Variants in DYM observed in about 807,000 individuals in gnomAD.
DYM encodes the protein dymeclin.
Under a neutral mutation model 93.1 loss-of-function variants are expected in DYM, and 78 were observed. The observed-to-expected ratio is 0.84, with a 90% CI of 0.70 to 1.01. The LOEUF is 1.01. Ranked by LOEUF, DYM falls within the 50% of genes least tolerant of loss-of-function variation. The probability of loss-of-function intolerance (pLI) is 0.00; values close to 1 mark genes in which losing one functional copy is unlikely to be tolerated. For synonymous variants in DYM, 321 were observed against 319.7 expected (o/e 1.00, Z -0.04); for missense variants, 789 against 845.0 (o/e 0.93, Z 0.82).
At chr18:49,350,444 A>AG (rs2065010171) in intron 6 of DYM, among the ~76,000 whole-genome samples, 1 of 152,192 alleles carries the variant, frequency 6.6e-6, no homozygotes, top group Non-Finnish European at 1.5e-5. Context: ...GCAGTGGCTT[A>AG]CGTCTGTAAT....
chr18:49,365,627 G>A (rs1031788632), intron 5 of DYM, among the ~76,000 whole-genome samples: 1 of 152,138 alleles, frequency 6.6e-6, no homozygotes, highest in Non-Finnish European at 1.5e-5. Context: ...AGGATGCAAT[G>A]TCCCAGGCCC....
intron 5 of DYM, among the ~76,000 whole-genome samples, chr18:49,375,232 C>A (rs1337844170): frequency 3.2e-5 from 4 of 125,280 alleles, no homozygotes; most frequent in African/African-American, 6.5e-5. Flanking sequence ...ACACACACAT[C>A]TATACCTACC....
At chr18:49,080,471 C>T (rs1299238267) in intron 17 of DYM, among the ~76,000 whole-genome samples, 27 of 136,750 alleles carry the variant, frequency 2.0e-4, no homozygotes, top group Non-Finnish European at 4.2e-4. Flanking sequence ...TGGGCAGAGG[C>T]GCCCCTCACC....
chr18:49,313,940 G>C (rs979254674), intron 8 of DYM, among the ~76,000 whole-genome samples: 1 of 151,970 alleles, frequency 6.6e-6, no homozygotes, highest in Non-Finnish European at 1.5e-5. Flanking sequence ...TTACCTCCAA[G>C]GGCTATTGTA....
intron 1 of DYM, among the ~76,000 whole-genome samples, chr18:49,436,947 G>T (rs75658493): frequency 0.091 from 13,875 of 152,152 alleles, 854 homozygotes; most frequent in East Asian, 0.31. Flanking sequence ...GTACATGAAT[G>T]CTGAATTTTC....
At chr18:49,275,115 T>A (rs548726974) in intron 10 of DYM, among the ~76,000 whole-genome samples, 1 of 152,320 alleles carries the variant, frequency 6.6e-6, no homozygotes, top group South Asian at 2.1e-4. Context: ...TAGCTCTTTT[T>A]AGGTCTTTGA....
intron 2 of DYM, among the ~76,000 whole-genome samples, chr18:49,409,654 A>T (rs1044276259): frequency 6.6e-6 from 1 of 152,194 alleles, no homozygotes; most frequent in African/African-American, 2.4e-5. Flanking sequence ...GTTGGTAGGG[A>T]AAAAAAGCCT....
At chr18:49,260,554 A>G (rs114742172) in intron 11 of DYM, among the ~76,000 whole-genome samples, 1,567 of 152,322 alleles carry the variant, frequency 0.01, 26 homozygotes, top group African/African-American at 0.036. Flanking sequence ...AAAACATTCA[A>G]CATTCCAAGA....
intron 2 of DYM, among the ~76,000 whole-genome samples, chr18:49,408,854 T>C (rs935551036): frequency 1.3e-5 from 2 of 152,248 alleles, no homozygotes; most frequent in African/African-American, 2.4e-5. Flanking sequence ...ATAAATATTG[T>C]ACAGAGTTTA....
intron 8 of DYM, among the ~76,000 whole-genome samples, chr18:49,315,395 C>A (rs990502572): frequency 6.6e-6 from 1 of 152,072 alleles, no homozygotes; most frequent in Non-Finnish European, 1.5e-5. Context: ...TGGCAACATC[C>A]GTAGTAAGAA....
intron 14 of DYM, among the ~76,000 whole-genome samples, chr18:49,186,559 A>G (rs569491156): frequency 5.9e-5 from 9 of 152,328 alleles, no homozygotes; most frequent in African/African-American, 2.2e-4. Context: ...CACTTTAGTC[A>G]GTAAGCCTAC....
intron 17 of DYM, among the ~76,000 whole-genome samples, chr18:49,086,931 T>C (rs929598264): frequency 2.0e-5 from 3 of 151,898 alleles, no homozygotes; most frequent in Admixed American, 6.6e-5. Flanking sequence ...GAGGTTGCAG[T>C]GAGCTGAGAT....
At chr18:49,292,729 A>G (rs1475260295) in intron 8 of DYM, among the ~76,000 whole-genome samples, 8 of 151,760 alleles carry the variant, frequency 5.3e-5, no homozygotes, top group Non-Finnish European at 1.0e-4. Context: ...TCTTAATTGT[A>G]TCCCTTGGGT....
At chr18:49,106,725 A>C (rs967175403) in intron 16 of DYM, among the ~76,000 whole-genome samples, 8 of 152,224 alleles carry the variant, frequency 5.3e-5, no homozygotes, top group Admixed American at 4.6e-4. Context: ...AGAATGTTGA[A>C]TATTGGCCCC....
chr18:49,330,644 A>C (rs1171743935), intron 8 of DYM, among the ~76,000 whole-genome samples: 1 of 152,216 alleles, frequency 6.6e-6, no homozygotes, highest in African/African-American at 2.4e-5. Flanking sequence ...ACCCCAAAAA[A>C]ACCTCTAACC....
chr18:49,297,132 A>G (rs905672567), intron 8 of DYM, among the ~76,000 whole-genome samples: 3 of 152,228 alleles, frequency 2.0e-5, no homozygotes, highest in East Asian at 3.8e-4. Flanking sequence ...CTTTAATCCT[A>G]TATTTTAAGT....
chr18:49,080,114 GA>G, intron 17 of DYM, among the ~76,000 whole-genome samples: 1 of 37,322 alleles, frequency 2.7e-5, no homozygotes, highest in Non-Finnish European at 5.7e-5. Flanking sequence ...GCGGGGGGCT[GA>G]CCCCCCCACC....
intron 3 of DYM, among the ~76,000 whole-genome samples, chr18:49,387,889 A>C (rs1235857626): frequency 6.6e-6 from 1 of 152,188 alleles, no homozygotes; most frequent in Non-Finnish European, 1.5e-5. Context: ...ACCATACTAA[A>C]ATAAGATAAT....
At chr18:49,271,914 GA>G (rs1391303824) in intron 11 of DYM, among the ~76,000 whole-genome samples, 1 of 138,814 alleles carries the variant, frequency 7.2e-6, no homozygotes, top group African/African-American at 2.7e-5. Context: ...AAATGCTGAA[GA>G]AAAATGAACC....
Sources: gnomAD v4.1 joint callset for allele counts (sites outside exome capture counted in the v4.1 genomes callset) on GRCh38, gnomAD v4.1.1 for gene constraint, MANE v1.5 for transcripts, NCBI Gene and HGNC (gene_info 2026-07-23, HGNC 2026-07-21) for gene names.